The following NF2 variants were observed in gnomAD, a reference collection of about 807,000 sequenced individuals.
The protein encoded by NF2 is NF2, moesin-ezrin-radixin like (MERLIN) tumor suppressor.
In NF2, 8 loss-of-function variants were observed where a neutral mutation model predicts 83.7. The ratio of observed to expected loss-of-function variants is 0.10; its 90% CI spans 0.06 to 0.17. NF2 has a LOEUF of 0.17. Among genes scored for constraint, NF2 ranks in the 10% least tolerant of loss-of-function variants. NF2 has a pLI of 1.00. For missense variants in NF2, 533 were observed against 744.4 expected, an observed-to-expected ratio of 0.72 and a Z score of 3.31; for synonymous variants, 266 against 269.6, an observed-to-expected ratio of 0.99 and a Z score of 0.13.
intron 15 of NF2, 54 bp downstream of exon 15, chr22:29,681,655 T>C: frequency 6.2e-7 from 1 of 1,609,096 alleles, no homozygotes; most frequent in Non-Finnish European, 8.5e-7. Context: ...ATTAATGAAA[T>C]GTGCGGTTGG....
intron 6 of NF2, among the ~76,000 whole-genome samples, chr22:29,657,887 GAA>G (rs2066359655): frequency 6.6e-6 from 1 of 152,170 alleles, no homozygotes; most frequent in African/African-American, 2.4e-5. Flanking sequence ...CACTCTTGTT[GAA>G]TTACTTGAGA....
chr22:29,630,556 CTA>C (rs1305167870), intron 1 of NF2, among the ~76,000 whole-genome samples: 1 of 152,244 alleles, frequency 6.6e-6, no homozygotes. Flanking sequence ...CTATTAGTCT[CTA>C]TGCCTGAAGG....
chr22:29,624,923 T>TC (rs1601557300), intron 1 of NF2, among the ~76,000 whole-genome samples: 5 of 140,146 alleles, frequency 3.6e-5, no homozygotes, highest in Non-Finnish European at 1.5e-5. Context: ...CTCTCTCTCT[T>TC]TCTTTCTTTC....
chr22:29,627,162 A>T (rs1008934586), intron 1 of NF2, among the ~76,000 whole-genome samples: 1 of 152,210 alleles, frequency 6.6e-6, no homozygotes, highest in African/African-American at 2.4e-5. Context: ...AAAGAAAATT[A>T]TCGTAGCAAT....
intron 15 of NF2, among the ~76,000 whole-genome samples, chr22:29,685,221 C>T (rs920230364): frequency 6.6e-6 from 1 of 151,904 alleles, no homozygotes; most frequent in African/African-American, 2.4e-5. Context: ...GATCCTCCTG[C>T]CTCAGCCTCC....
chr22:29,639,053 A>G (rs758595866), intron 2 of NF2, 37 bp from the exon 3 acceptor site: 2 of 1,614,160 alleles, frequency 1.2e-6, no homozygotes, highest in South Asian at 1.1e-5. Context: ...GGAAGTGCCA[A>G]TATAGTGTGT....
chr22:29,619,202 G>A (rs117254527), intron 1 of NF2, among the ~76,000 whole-genome samples: 25 of 152,052 alleles, frequency 1.6e-4, no homozygotes, highest in Admixed American at 1.0e-3. Flanking sequence ...GTGCCAACAC[G>A]CCCTGCTAAT....
chr22:29,642,347 C>T (rs2065834074), intron 4 of NF2, 62 bp downstream of exon 4: 2 of 1,316,320 alleles, frequency 1.5e-6, no homozygotes, highest in African/African-American at 1.4e-5. Context: ...GGGATCACTC[C>T]TATCTTCTCT....
At chr22:29,682,072 C>T (rs777272595) in intron 15 of NF2, among the ~76,000 whole-genome samples, 2 of 152,082 alleles carry the variant, frequency 1.3e-5, no homozygotes, top group Admixed American at 6.5e-5. Context: ...TAGGAAAGAA[C>T]CTCTTTGTTT....
chr22:29,660,823 TCC>T (rs2066457762), intron 7 of NF2, among the ~76,000 whole-genome samples: 1 of 152,350 alleles, frequency 6.6e-6, no homozygotes, highest in Non-Finnish European at 1.5e-5. Flanking sequence ...CGCCTCGGCC[TCC>T]CAAAGTGCTG....
At chr22:29,673,909 G>A (rs1322507691) in intron 12 of NF2, among the ~76,000 whole-genome samples, 1 of 152,198 alleles carries the variant, frequency 6.6e-6, no homozygotes, top group African/African-American at 2.4e-5. Context: ...ACCTTTAAAG[G>A]GAAGCTAGTG....
intron 1 of NF2, among the ~76,000 whole-genome samples, chr22:29,635,032 A>G (rs1266435174): frequency 6.6e-6 from 1 of 152,132 alleles, no homozygotes; most frequent in Non-Finnish European, 1.5e-5. Flanking sequence ...GATAGGAGAA[A>G]CGGCCCTGCT....
At position 29,614,920 on chromosome 22, in the gene NF2, A is replaced by G. The variant is rs147207142; in HGVS notation, c.114+10808A>G. 1.1e-4 allele frequency among the ~76,000 whole-genome samples: 16 copies of G among 151,756 alleles called. No homozygotes were observed. The East Asian group carries it at 2.9e-3, about 28-fold the overall frequency. ...GAAATTAGGCTGGGTGTGGTGGCTC[A>G]TGCCTGTAATCCTAGCACTTTGGGA... is the stretch of plus-strand genomic sequence containing the variant. On this transcript the variant is annotated intron_variant, in intron 1 of 15. Transcript: ENST00000338641.
chr22:29,677,920 G>A (rs1027907468), intron 13 of NF2, among the ~76,000 whole-genome samples: 7 of 152,320 alleles, frequency 4.6e-5, no homozygotes, highest in Middle Eastern at 3.4e-3. Context: ...ATGAAAAAGC[G>A]AGTGGGAGTT....
intron 1 of NF2, among the ~76,000 whole-genome samples, chr22:29,629,781 C>T (rs2065460004): frequency 1.3e-5 from 2 of 152,232 alleles, no homozygotes; most frequent in Admixed American, 6.5e-5. Context: ...GCCGTTGAAA[C>T]GGCATTCTTC....
rs2065734352 is a variant in NF2 at position 29,639,228 on chromosome 22, C to G, written c.363+16C>G. On this transcript the variant is annotated intron_variant, in intron 3 of 15. Transcript: ENST00000338641. Reference sequence around the variant, plus strand: ...CTTCTTACAGGTACATCAGTCAAGGCTACCCCCCAGTTCTGAGAGAACTTG... The same window carrying G: ...CTTCTTACAGGTACATCAGTCAAGGGTACCCCCCAGTTCTGAGAGAACTTG... 6.2e-7 allele frequency: 1 copy of G among 1,613,786 alleles called. No homozygotes were observed. The highest frequency in any genetic ancestry group is 1.3e-5 in the African/African-American group (1 of 74,930).
intron 6 of NF2, among the ~76,000 whole-genome samples, chr22:29,656,620 G>C (rs2066319151): frequency 6.6e-6 from 1 of 151,752 alleles, no homozygotes; most frequent in Admixed American, 6.6e-5. Context: ...CACTGTGTTA[G>C]CCGGGATGGT....
chr22:29,650,721 G>A (rs2066124736), intron 4 of NF2, among the ~76,000 whole-genome samples: 1 of 150,534 alleles, frequency 6.6e-6, no homozygotes, highest in African/African-American at 2.4e-5. Context: ...ATCCGCCTCA[G>A]CCTCCAGAGG....
intron 12 of NF2, 27 bp downstream of exon 12, chr22:29,673,513 G>T: frequency 6.3e-7 from 1 of 1,592,674 alleles, no homozygotes. Flanking sequence ...CACCAGACTG[G>T]CGAGGAGGCT....
Sources: gnomAD v4.1 joint callset for allele counts (sites outside exome capture counted in the v4.1 genomes callset) on GRCh38, gnomAD v4.1.1 for gene constraint, MANE v1.5 for transcripts, NCBI Gene and HGNC (gene_info 2026-07-23, HGNC 2026-07-21) for gene names.